The following RSRP1 variants were observed in gnomAD, a reference collection of about 807,000 sequenced individuals.
The protein encoded by RSRP1 is arginine and serine rich protein 1.
In RSRP1, 37 loss-of-function variants were observed where a neutral mutation model predicts 33.0. That is an observed-to-expected ratio of 1.12 (90% CI 0.86 to 1.48). The LOEUF is 1.48. RSRP1 is among the 40% of genes most tolerant of loss of function. The pLI, the probability that RSRP1 is intolerant of heterozygous loss-of-function variation, is 0.00. For missense variants in RSRP1, 402 were observed against 385.3 expected, an observed-to-expected ratio of 1.04 and a Z score of -0.36; for synonymous variants, 167 against 158.7, an observed-to-expected ratio of 1.05 and a Z score of -0.40.
Position 25,243,480 on chromosome 1 carries a change from T to C in RSRP1, c.756+70A>G. The C allele has an allele frequency of 2.5e-6, 4 of 1,572,620 alleles. No homozygotes were observed. The South Asian group carries it at 3.4e-5, about 14-fold the overall frequency. ...AGGCCCCCAACTATCACCACAAAGATAAAAACACAAAGATGCAAAAATACA... is the reference window on the plus strand; with the variant it reads ...AGGCCCCCAACTATCACCACAAAGACAAAAACACAAAGATGCAAAAATACA... On this transcript the variant is annotated intron_variant, in intron 4 of 4. Coordinates refer to ENST00000243189, the MANE Select transcript of RSRP1 (RefSeq NM_020317.5).
rs1221677768 is a variant in RSRP1 at position 25,306,261 on chromosome 1, C to T, written c.-67+31717G>A. On this transcript the variant is annotated intron_variant, in intron 1 of 1. Coordinates refer to the RSRP1 transcript ENST00000561867. ...CATCCTACAGTACACAGGGCAGCCC[C>T]CACCACAAGGAATTATCAGCTGAAA... 3.0e-5 allele frequency among the ~76,000 whole-genome samples: 4 copies of T among 131,628 alleles called. No individual in the cohort carries two copies. In the East Asian group the frequency reaches 5.9e-4, roughly 19 times the overall value. 86.4% of individuals were successfully genotyped at this position (131,628 alleles called of 152,430 possible).
intron 1 of RSRP1, chr1:25,322,048 A>G (rs1644740070): frequency 1.3e-6 from 1 of 755,356 alleles, no homozygotes; most frequent in African/African-American, 1.7e-5. Flanking sequence ...CTTGCTGTTT[A>G]TGAGTAAAAC....
intron 1 of RSRP1, chr1:25,306,607 C>A (rs1311647315): frequency 1.5e-6 from 2 of 1,378,124 alleles, no homozygotes; most frequent in African/African-American, 2.9e-5. Context: ...GGTGTTGTAA[C>A]CGAGTGCTGG....
Position 25,318,722 on chromosome 1 carries a change from G to A in RSRP1, c.-67+19256C>T, listed in dbSNP as rs566857171. Among the ~76,000 whole-genome samples the A allele has an allele frequency of 2.3e-5, 3 of 133,046 alleles. 1 individual carries two copies. Among genetic ancestry groups the A allele is most frequent in the Non-Finnish European group, 3.6e-5 (2 of 55,934 alleles). The allele number at this position is 133,046 out of a possible 152,430, so 87.3% of individuals were successfully genotyped here. On this transcript the variant is annotated intron_variant, in intron 1 of 1. Transcript: ENST00000561867. ...GAATGCCAAATAAGAGACAAATGGC[G>A]TAAGACACTATGAGTTGTGTGACGT...
intron 1 of RSRP1, among the ~76,000 whole-genome samples, chr1:25,286,001 T>C (rs1176205212): frequency 6.7e-5 from 9 of 134,750 alleles, no homozygotes; most frequent in East Asian, 1.9e-4. Context: ...TCTAACCTGG[T>C]ATACAGGTAA....
chr1:25,279,264 T>C (rs1032013349), intron 1 of RSRP1, among the ~76,000 whole-genome samples: 1 of 128,628 alleles, frequency 7.8e-6, no homozygotes, highest in African/African-American at 2.7e-5. Flanking sequence ...ACGTACCCAA[T>C]GCTGGGCGAA....
intron 1 of RSRP1, chr1:25,336,579 T>C (rs1473149238): frequency 1.3e-5 from 2 of 148,282 alleles, no homozygotes; most frequent in Admixed American, 1.3e-4. Context: ...TATTTGACAA[T>C]CATGTTAAGG....
chr1:25,273,266 G>A lies in RSRP1; in HGVS notation c.-66-26237C>T, dbSNP rs1207191874. Among the ~76,000 whole-genome samples the A allele has an allele frequency of 2.5e-4, 32 of 125,694 alleles. 3 individuals are homozygous for A. The highest frequency in any genetic ancestry group is 8.1e-4 in the African/African-American group (30 of 37,098). The allele number at this position is 125,694 out of a possible 152,430, so 82.5% of individuals were successfully genotyped here. ...TCTTCCCACCTCAGCCTCCCAAGAA[G>A]CTGGGACCACAGGAGGGCACCACCA... On this transcript the variant is annotated intron_variant, in intron 1 of 1. Transcript: ENST00000561867.
chr1:25,243,486 C>A, intron 4 of RSRP1, 64 bp downstream of exon 4: 1 of 1,578,652 alleles, frequency 6.3e-7, no homozygotes, highest in Admixed American at 1.8e-5. Context: ...AAGATAAAAA[C>A]ACAAAGATGC....
At chr1:25,279,256 G>T (rs999181395) in intron 1 of RSRP1, among the ~76,000 whole-genome samples, 2 of 128,262 alleles carry the variant, frequency 1.6e-5, no homozygotes, top group African/African-American at 5.4e-5. Context: ...CACTCACTAC[G>T]TACCCAATGC....
intron 4 of RSRP1, 62 bp from the exon 5 acceptor site, chr1:25,242,767 A>G: frequency 3.5e-6 from 4 of 1,143,278 alleles, no homozygotes; most frequent in South Asian, 1.3e-5. Flanking sequence ...TTCACAAAAA[A>G]AAGTACATTA....
At position 25,329,562 on chromosome 1, in the gene RSRP1, A is replaced by AT. The variant is rs1166393348; in HGVS notation, c.-67+8415dup. On this transcript the variant is annotated intron_variant, in intron 1 of 1. Coordinates refer to the RSRP1 transcript ENST00000561867. ...CCAGCCTTGTTTGCTTTTTTAACAG[A>AT]TAACAGTGTGCTCATAGAAACTGCT... The AT allele has an allele frequency of 4.2e-5, 7 of 165,284 alleles. 2 individuals are homozygous for AT. In the East Asian group the frequency reaches 9.6e-4, roughly 23 times the overall value. 10.2% of individuals were successfully genotyped at this position (165,284 alleles called of 1,614,324 possible).
intron 1 of RSRP1, chr1:25,266,573 C>CA (rs1221388885): frequency 7.8e-6 from 1 of 127,996 alleles, no homozygotes; most frequent in East Asian, 1.9e-4. Flanking sequence ...CCGCCAAAAA[C>CA]AAAAAACCCC....
In RSRP1 at chr1:25,307,645, A is replaced by G. The variant is rs1373149878; in HGVS notation, c.-67+30333T>C. 39 of 1,193,302 alleles carry G rather than the reference A, an allele frequency of 3.3e-5. 13 individuals are homozygous for G. The highest frequency in any genetic ancestry group is 4.1e-5 in the Non-Finnish European group (35 of 843,996). 73.9% of individuals were successfully genotyped at this position (1,193,302 alleles called of 1,614,324 possible). A position where few individuals can be genotyped will look rare whatever the true frequency, so the allele number is the denominator to read the frequency against. On this transcript the variant is annotated intron_variant, in intron 1 of 1. Transcript: ENST00000561867. Reference sequence around the variant, plus strand: ...AGATTTAAGAGAAGTTATCTGCCCAAGGTCACTCGGCTGGAACCTGGCTGT... The same window carrying G: ...AGATTTAAGAGAAGTTATCTGCCCAGGGTCACTCGGCTGGAACCTGGCTGT...
chr1:25,315,477 A>C (rs1374481805), intron 1 of RSRP1, among the ~76,000 whole-genome samples: 2 of 124,592 alleles, frequency 1.6e-5, no homozygotes, highest in East Asian at 3.9e-4. Flanking sequence ...TTATCTTTTT[A>C]ATTTATTTTT....
chr1:25,276,746 G>A lies in RSRP1; in HGVS notation c.-66-29717C>T, dbSNP rs71652363. Among the ~76,000 whole-genome samples the A allele has an allele frequency of 1.2e-3, 157 of 129,810 alleles. 44 individuals carry two copies. Among genetic ancestry groups the A allele is most frequent in the Non-Finnish European group, 2.4e-3 (134 of 55,050 alleles). 85.2% of individuals were successfully genotyped at this position (129,810 alleles called of 152,430 possible). A position where few individuals can be genotyped will look rare whatever the true frequency, so the allele number is the denominator to read the frequency against. On this transcript the variant is annotated intron_variant, in intron 1 of 1. Transcript: ENST00000561867. ...ATAAAAATATTTGAGGTGAAGCGAG[G>A]CTGTAATAACAAATTTAAAAATATA...
rs1644988145 is a variant in RSRP1 at position 25,330,797 on chromosome 1, G to C, written c.-67+7181C>G. Among the ~76,000 whole-genome samples, 2 of 130,198 alleles carry C rather than the reference G, an allele frequency of 1.5e-5. 1 individual carries two copies. 85.4% of individuals were successfully genotyped at this position (130,198 alleles called of 152,430 possible). A position where few individuals can be genotyped will look rare whatever the true frequency, so the allele number is the denominator to read the frequency against. ...TTTAGCCACTCAGACTTAAACAACA[G>C]AAATTTATTTCCTTATAGTTCTGGA... On this transcript the variant is annotated intron_variant, in intron 1 of 1. Coordinates refer to the RSRP1 transcript ENST00000561867.
At chr1:25,252,187 C>T (rs1358206010), upstream of RSRP1, among the ~76,000 whole-genome samples, 3 of 152,086 alleles carry the variant, frequency 2.0e-5, no homozygotes, top group Admixed American at 6.5e-5. Context: ...CCTCAGCCTC[C>T]CAAGTAGCAG....
chr1:25,246,611 C>G lies in RSRP1; in HGVS notation c.353G>C (p.Arg118Thr). 1 of 1,614,096 alleles carries G rather than the reference C, an allele frequency of 6.2e-7. No individual in the cohort carries two copies. The highest frequency in any genetic ancestry group is 8.5e-7 in the Non-Finnish European group (1 of 1,180,024). Residue 118 changes from arginine to threonine, a missense_variant, in exon 2 of 5, where the codon AGG becomes ACG. Coordinates refer to ENST00000243189, the MANE Select transcript of RSRP1 (RefSeq NM_020317.5). ...PSRYRSRSRS[R>T]SRSRGRSYCG... Reference sequence around the variant, plus strand: ...GTACGACCTTCCCCGAGAGCGCGACCTGCTACGGGACCGGGACCGGTACCG... The same window carrying G: ...GTACGACCTTCCCCGAGAGCGCGACGTGCTACGGGACCGGGACCGGTACCG...
Sources: allele counts gnomAD v4.1 joint callset (sites outside exome capture counted in the v4.1 genomes callset), GRCh38; gene constraint gnomAD v4.1.1; transcripts MANE v1.5; gene names NCBI Gene and HGNC (gene_info 2026-07-23, HGNC 2026-07-21).